SORBS2: variants seen among roughly 807,000 people sequenced by gnomAD.
SORBS2 encodes sorbin and SH3 domain-containing protein 2.
Under a neutral mutation model 97.7 loss-of-function variants are expected in SORBS2, and 46 were observed. That is an observed-to-expected ratio of 0.47 (90% CI 0.37 to 0.60). SORBS2 has a LOEUF of 0.60. Ranked by LOEUF, SORBS2 falls within the 20% of genes least tolerant of loss-of-function variation. SORBS2 has a pLI of 0.00. For synonymous variants in SORBS2, 476 were observed against 473.4 expected (o/e 1.01, Z -0.07); for missense variants, 1,316 against 1,282.3 (o/e 1.03, Z -0.40).
At chr4:185,691,388 A>C (rs185890788) in intron 2 of SORBS2, among the ~76,000 whole-genome samples, 2 of 152,238 alleles carry the variant, frequency 1.3e-5, no homozygotes, top group East Asian at 3.9e-4. Flanking sequence ...AAAAAATTAA[A>C]TTTCTTTTAC....
chr4:185,703,017 A>T (rs2098287120), intron 2 of SORBS2, among the ~76,000 whole-genome samples: 1 of 152,212 alleles, frequency 6.6e-6, no homozygotes, highest in African/African-American at 2.4e-5. Context: ...TGATAGCATC[A>T]TGATGAGATG....
chr4:185,905,331 A>T (rs1026770206), intron 1 of SORBS2, among the ~76,000 whole-genome samples: 1 of 152,184 alleles, frequency 6.6e-6, no homozygotes, highest in Non-Finnish European at 1.5e-5. Flanking sequence ...TGTAACAATC[A>T]TTTAAGGGTG....
chr4:185,785,763 C>A (rs2099053422), intron 1 of SORBS2, among the ~76,000 whole-genome samples: 1 of 152,240 alleles, frequency 6.6e-6, no homozygotes, highest in Non-Finnish European at 1.5e-5. Flanking sequence ...CTGTTTCCAT[C>A]ATCATCTTAA....
Position 185,639,048 on chromosome 4 carries a change from G to A in SORBS2, c.396+7620C>T, listed in dbSNP as rs1453467800. The stretch of plus-strand genomic sequence containing the variant: ...TTGGGAGAGGGGGCTGCAAGAAAGA[G>A]GGGTGCAGAAACTGGTTCATTAGAT... On this transcript the variant is annotated intron_variant, in intron 4 of 14. Transcript: ENST00000418609. 4 of 1,511,680 alleles carry A rather than the reference G, an allele frequency of 2.6e-6. No individual in the cohort carries two copies. The highest frequency in any genetic ancestry group is 2.3e-5 in the Admixed American group (1 of 43,186). The allele number at this position is 1,511,680 out of a possible 1,614,324, so 93.6% of individuals were successfully genotyped here. A position where few individuals can be genotyped will look rare whatever the true frequency, so the allele number is the denominator to read the frequency against.
At chr4:185,626,721 C>T (rs541667849) in intron 6 of SORBS2, 111 bp downstream of exon 18, 4 of 998,026 alleles carry the variant, frequency 4.0e-6, no homozygotes, top group Non-Finnish European at 6.3e-6. Context: ...TTATTCCAGA[C>T]ACTGTAGGTG....
At chr4:185,776,800 T>C (rs2099001952) in intron 1 of SORBS2, among the ~76,000 whole-genome samples, 1 of 150,394 alleles carries the variant, frequency 6.6e-6, no homozygotes. Context: ...CTTGGGAGGC[T>C]GAGGCAGGAG....
intron 1 of SORBS2, among the ~76,000 whole-genome samples, chr4:185,654,350 G>C (rs769352559): frequency 3.3e-5 from 5 of 152,188 alleles, no homozygotes; most frequent in Non-Finnish European, 7.3e-5. Context: ...TTCTTTTACT[G>C]TACCAAAGCA....
intron 1 of SORBS2, among the ~76,000 whole-genome samples, chr4:185,897,307 C>T (rs750268206): frequency 6.6e-6 from 1 of 152,320 alleles, no homozygotes; most frequent in East Asian, 1.9e-4. Flanking sequence ...GGCCCCACCC[C>T]ACACCAGAAG....
rs1335440418 is a variant in SORBS2 at position 185,886,831 on chromosome 4, C to T, written c.-338+69365G>A. 2.0e-5 allele frequency among the ~76,000 whole-genome samples: 3 copies of T among 152,162 alleles called. No individual in the cohort carries two copies. In the East Asian group the frequency reaches 5.8e-4, roughly 29 times the overall value. The stretch of plus-strand genomic sequence containing the variant: ...CTCAGTGCAAGAAAGGACAATATCA[C>T]CCTTTTCAAATATTTGAAAAGCTGG... On this transcript the variant is annotated intron_variant, in intron 1 of 20. Coordinates refer to the SORBS2 transcript ENST00000284776.
At chr4:185,917,957 T>A (rs1284363524) in intron 1 of SORBS2, among the ~76,000 whole-genome samples, 1 of 152,180 alleles carries the variant, frequency 6.6e-6, no homozygotes, top group Non-Finnish European at 1.5e-5. Flanking sequence ...AAGACTTCCA[T>A]GTATTATGAA....
At position 185,879,179 on chromosome 4, in the gene SORBS2, C is replaced by T. The variant is rs1424201542; in HGVS notation, c.-338+77017G>A. Among the ~76,000 whole-genome samples the T allele has an allele frequency of 4.6e-5, 6 of 131,428 alleles. 1 individual carries two copies. The highest frequency in any genetic ancestry group is 4.8e-5 in the Non-Finnish European group (3 of 61,992). The allele number at this position is 131,428 out of a possible 152,430, so 86.2% of individuals were successfully genotyped here. ...AATGCTATCCCTCCCCCCCCCCCAC[C>T]CCACGACAGGCCCCGGTGTGTGATG... On this transcript the variant is annotated intron_variant, in intron 1 of 20. Transcript: ENST00000284776.
intron 4 of SORBS2, among the ~76,000 whole-genome samples, chr4:185,666,982 G>C (rs907896875): frequency 6.6e-6 from 1 of 152,174 alleles, no homozygotes; most frequent in Non-Finnish European, 1.5e-5. Flanking sequence ...CATAGCGAAG[G>C]GATGCTCTGT....
chr4:185,651,495 G>A (rs1561679855), intron 2 of SORBS2, among the ~76,000 whole-genome samples: 1 of 152,166 alleles, frequency 6.6e-6, no homozygotes, highest in African/African-American at 2.4e-5. Context: ...TGTACCCTGG[G>A]TTACAGTGTG....
At chr4:185,750,915 G>A (rs1334489224) in intron 2 of SORBS2, among the ~76,000 whole-genome samples, 1 of 151,920 alleles carries the variant, frequency 6.6e-6, no homozygotes, top group East Asian at 1.9e-4. Context: ...GGTGGGTCAA[G>A]GAGTTGGAAT....
chr4:185,722,013 A>G (rs1481703988), intron 2 of SORBS2, among the ~76,000 whole-genome samples: 1 of 152,238 alleles, frequency 6.6e-6, no homozygotes, highest in Non-Finnish European at 1.5e-5. Flanking sequence ...CAGCCAAAAC[A>G]ATCACTTAAG....
chr4:185,870,968 A>G (rs1296549371), intron 1 of SORBS2, among the ~76,000 whole-genome samples: 4 of 152,194 alleles, frequency 2.6e-5, no homozygotes, highest in Non-Finnish European at 5.9e-5. Context: ...CATATGCACA[A>G]TAGTGATTAC....
chr4:185,928,295 T>C (rs369239697), intron 1 of SORBS2, among the ~76,000 whole-genome samples: 20 of 152,138 alleles, frequency 1.3e-4, no homozygotes, highest in South Asian at 4.2e-4. Flanking sequence ...TCCCAGCTCA[T>C]TGGGAGGCTG....
chr4:185,908,362 C>CACACAA (rs2099252844), intron 1 of SORBS2, among the ~76,000 whole-genome samples: 5 of 91,078 alleles, frequency 5.5e-5, no homozygotes, highest in African/African-American at 2.1e-4. Flanking sequence ...CATATATATA[C>CACACAA]ATGTATATAT....
At chr4:185,785,536 G>A (rs1243771626) in intron 1 of SORBS2, among the ~76,000 whole-genome samples, 1 of 152,156 alleles carries the variant, frequency 6.6e-6, no homozygotes, top group African/African-American at 2.4e-5. Context: ...ATGATGGAGA[G>A]CGTGGTCTGT....
Sources: gnomAD v4.1 joint callset for allele counts (sites outside exome capture counted in the v4.1 genomes callset) on GRCh38, gnomAD v4.1.1 for gene constraint, MANE v1.5 for transcripts, NCBI Gene and HGNC (gene_info 2026-07-23, HGNC 2026-07-21) for gene names.